ME3: variants seen among roughly 807,000 people sequenced by gnomAD.
ME3 encodes the protein malic enzyme 3, also known as NADP-dependent malic enzyme, mitochondrial.
ME3 carries 48 observed loss-of-function variants against 68.9 expected under a neutral mutation model. The observed-to-expected ratio is 0.70, with a 90% CI of 0.55 to 0.89. The LOEUF is 0.89. ME3 is among the 40% of genes least tolerant of loss of function. ME3 has a pLI of 0.00. For synonymous variants in ME3, 320 were observed against 318.8 expected (o/e 1.00, Z -0.04); for missense variants, 675 against 797.4 (o/e 0.85, Z 1.85).
chr11:86,437,273 A>G (rs1948903274), downstream of ME3: 2 of 152,152 alleles, frequency 1.3e-5, no homozygotes, highest in Admixed American at 1.3e-4. Flanking sequence ...TCCATTGCAC[A>G]TATATATTCA....
At chr11:86,503,021 C>T (rs958893774) in intron 5 of ME3, among the ~76,000 whole-genome samples, 14 of 152,134 alleles carry the variant, frequency 9.2e-5, no homozygotes, top group Non-Finnish European at 1.9e-4. Context: ...ATCCTTCCTT[C>T]TCATCTTTCC....
chr11:86,654,793 G>C (rs1945740618), intron 2 of ME3, among the ~76,000 whole-genome samples: 1 of 152,308 alleles, frequency 6.6e-6, no homozygotes, highest in Admixed American at 6.5e-5. Context: ...ATTAGGAAAA[G>C]AGGAAGTCAA....
At chr11:86,664,184 G>A (rs1946453303) in intron 2 of ME3, among the ~76,000 whole-genome samples, 1 of 152,008 alleles carries the variant, frequency 6.6e-6, no homozygotes, top group Non-Finnish European at 1.5e-5. Context: ...ACCTAAAATT[G>A]AAAAGAAAAT....
chr11:86,637,032 T>C (rs1944374659), intron 2 of ME3, among the ~76,000 whole-genome samples: 1 of 152,034 alleles, frequency 6.6e-6, no homozygotes, highest in Admixed American at 6.6e-5. Context: ...CATTCTTGAA[T>C]CAATGTAAAA....
At chr11:86,545,299 G>A (rs578092639) in intron 4 of ME3, among the ~76,000 whole-genome samples, 25 of 152,150 alleles carry the variant, frequency 1.6e-4, no homozygotes, top group Admixed American at 7.9e-4. Flanking sequence ...ATTCAACATA[G>A]TGTTGGAAGT....
intron 2 of ME3, among the ~76,000 whole-genome samples, chr11:86,630,590 G>A (rs928365845): frequency 6.6e-6 from 1 of 152,252 alleles, no homozygotes; most frequent in African/African-American, 2.4e-5. Flanking sequence ...CTCCTGCAGT[G>A]TTTGCCTCAA....
At chr11:86,545,537 C>A (rs900693589) in intron 4 of ME3, among the ~76,000 whole-genome samples, 2 of 151,728 alleles carry the variant, frequency 1.3e-5, no homozygotes, top group African/African-American at 4.8e-5. Context: ...AACAAACAGG[C>A]AAATCATGAG....
At chr11:86,651,910 G>C (rs1438729758) in intron 2 of ME3, among the ~76,000 whole-genome samples, 2 of 152,192 alleles carry the variant, frequency 1.3e-5, no homozygotes, top group African/African-American at 4.8e-5. Context: ...GGACCTCATG[G>C]AGCTGAAAAC....
At chr11:86,473,255 C>T (rs1249833266) in intron 7 of ME3, among the ~76,000 whole-genome samples, 1 of 152,202 alleles carries the variant, frequency 6.6e-6, no homozygotes, top group Middle Eastern at 3.2e-3. Context: ...CAAATACTGC[C>T]AACATGTCAA....
chr11:86,527,593 G>C (rs1010712364), intron 4 of ME3, among the ~76,000 whole-genome samples: 1 of 152,186 alleles, frequency 6.6e-6, no homozygotes, highest in Non-Finnish European at 1.5e-5. Context: ...AAAATGTTGA[G>C]GGCAGCCAGA....
chr11:86,456,257 G>A (rs1366465312), intron 8 of ME3, among the ~76,000 whole-genome samples: 2 of 152,180 alleles, frequency 1.3e-5, no homozygotes, highest in Non-Finnish European at 2.9e-5. Flanking sequence ...CCTGAAAGGA[G>A]GGGTTGCGCA....
intron 4 of ME3, among the ~76,000 whole-genome samples, chr11:86,541,984 GC>G (rs1381259321): frequency 5.9e-5 from 9 of 152,204 alleles, no homozygotes; most frequent in African/African-American, 1.9e-4. Context: ...CTGGTCTGCA[GC>G]CTCCGCTGGT....
rs555972190 is a variant in ME3 at position 86,573,157 on chromosome 11, T to A, written c.184-13334A>T. 7.8e-4 allele frequency among the ~76,000 whole-genome samples: 119 copies of A among 152,342 alleles called. 1 individual carries two copies. The highest frequency in any genetic ancestry group is 2.8e-3 in the African/African-American group (116 of 41,570). ...TTTTCTCTTGTAATTTTGTTTAAGT[T>A]CCTTGTAGATTCTGGATATTAAACC... is the stretch of plus-strand genomic sequence containing the variant. On this transcript the variant is annotated intron_variant, in intron 2 of 14. Coordinates refer to ENST00000543262, the Ensembl canonical transcript of ME3.
intron 4 of ME3, among the ~76,000 whole-genome samples, chr11:86,534,401 G>C (rs991069333): frequency 2.6e-5 from 4 of 152,044 alleles, no homozygotes; most frequent in African/African-American, 7.2e-5. Flanking sequence ...TAGGCTGGGC[G>C]AGGTGGCTTA....
rs1943372044 is a variant in ME3 at position 86,621,888 on chromosome 11, G to A, written c.183+49874C>T. On this transcript the variant is annotated intron_variant, in intron 2 of 14. Transcript: ENST00000543262. ...AAATGAACCCTGTAAAGCAGAATGTGAAATTACTTTTTCCTTTAAGAGAGT... is the reference window on the plus strand; with the variant it reads ...AAATGAACCCTGTAAAGCAGAATGTAAAATTACTTTTTCCTTTAAGAGAGT... Among the ~76,000 whole-genome samples the A allele has an allele frequency of 2.0e-5, 3 of 152,110 alleles. 1 individual carries two copies. Among genetic ancestry groups the A allele is most frequent in the South Asian group, 4.1e-4 (2 of 4,820 alleles).
chr11:86,567,077 C>T (rs1047906308), intron 2 of ME3, among the ~76,000 whole-genome samples: 1 of 151,934 alleles, frequency 6.6e-6, no homozygotes, highest in African/African-American at 2.4e-5. Context: ...ATTAGTCAGG[C>T]ATGGTGGTGC....
In ME3 at chr11:86,567,186, C is replaced by A. The variant is rs1208384625; in HGVS notation, c.184-7363G>T. Among the ~76,000 whole-genome samples the A allele has an allele frequency of 2.0e-5, 3 of 151,128 alleles. No homozygotes were observed. In the East Asian group the frequency reaches 5.8e-4, roughly 29 times the overall value. ...GAGCCAAGATCATGCCACTGCACTC[C>A]AGCCTGGGCAACAAGAGTGAAACTC... On this transcript the variant is annotated intron_variant, in intron 2 of 14. Transcript: ENST00000543262.
intron 2 of ME3, among the ~76,000 whole-genome samples, chr11:86,666,292 G>T (rs1946583669): frequency 6.6e-6 from 1 of 152,128 alleles, no homozygotes. Context: ...CTTCTGCGTG[G>T]AATTCACAGC....
chr11:86,523,797 A>AG (rs1954513729), intron 4 of ME3, among the ~76,000 whole-genome samples: 1 of 152,092 alleles, frequency 6.6e-6, no homozygotes, highest in African/African-American at 2.4e-5. Flanking sequence ...TATAATCAGG[A>AG]GGGGGAAAAA....
Sources: allele counts gnomAD v4.1 joint callset (sites outside exome capture counted in the v4.1 genomes callset), GRCh38; gene constraint gnomAD v4.1.1; transcripts MANE v1.5; gene names NCBI Gene and HGNC (gene_info 2026-07-23, HGNC 2026-07-21).